COL7A1: variants seen among roughly 807,000 people sequenced by gnomAD.
COL7A1 encodes the protein collagen alpha-1(VII) chain.
COL7A1 carries 296 observed loss-of-function variants against 456.2 expected under a neutral mutation model. That is an observed-to-expected ratio of 0.65 (90% CI 0.59 to 0.71). The LOEUF is 0.71. COL7A1 is among the 30% of genes least tolerant of loss of function. The pLI is 0.00. For missense variants in COL7A1, 3,441 were observed against 4,017.2 expected, an observed-to-expected ratio of 0.86 and a Z score of 3.88; for synonymous variants, 1,464 against 1,525.9, an observed-to-expected ratio of 0.96 and a Z score of 0.95.
In COL7A1 at chr3:48,594,960, G is replaced by A. The variant is rs1402732552; in HGVS notation, c.85+115C>T. ...GTCCCAGAATTAGGAGGAATCCGCG[G>A]GGCGTCGTGGAGTTGGCTGGGTTGT... On this transcript the variant is annotated intron_variant, in intron 2 of 118. Transcript: ENST00000681320. This position sits in a 1 kb window ranked among gnomAD's most constrained non-coding sequence, Gnocchi z 5.5. 7.0e-6 allele frequency: 6 copies of A among 859,180 alleles called. No homozygotes were observed. The highest frequency in any genetic ancestry group is 2.7e-5 in the East Asian group (1 of 37,368). 53.2% of individuals were successfully genotyped at this position (859,180 alleles called of 1,614,324 possible).
chr3:48,566,415 G>A lies in COL7A1; in HGVS notation c.8358+95C>T, dbSNP rs2107630773. 2 of 1,608,050 alleles carry A rather than the reference G, an allele frequency of 1.2e-6. No homozygotes were observed. Among genetic ancestry groups the A allele is most frequent in the Non-Finnish European group, 1.7e-6 (2 of 1,175,484 alleles). On this transcript the variant is annotated intron_variant, in intron 113 of 118. Coordinates refer to ENST00000681320, the MANE Select transcript of COL7A1 (RefSeq NM_000094.4). The surrounding 1 kb of genome is among the most constrained non-coding windows in gnomAD (Gnocchi z 5.9). Reference sequence around the variant, plus strand: ...ACTATGGTGAGACTGCATGGAGCCAGGGCCCAGGGGTCAGGGTGCTGGGTG... The same window carrying A: ...ACTATGGTGAGACTGCATGGAGCCAAGGCCCAGGGGTCAGGGTGCTGGGTG...
Position 48,571,798 on chromosome 3 carries a change from A to G in COL7A1, c.7068+203T>C. 1.5e-6 allele frequency: 1 copy of G among 667,976 alleles called. No individual in the cohort carries two copies. The highest frequency in any genetic ancestry group is 2.6e-6 in the Non-Finnish European group (1 of 378,992). The allele number at this position is 667,976 out of a possible 1,614,324, so 41.4% of individuals were successfully genotyped here. ...AAACAGACCAAGGATGGGCACACAG[A>G]AGCCAAGACAGGGCCCCCAGAGCTC... On this transcript the variant is annotated intron_variant, in intron 92 of 118. Coordinates refer to ENST00000681320, the MANE Select transcript of COL7A1 (RefSeq NM_000094.4). The surrounding 1 kb of genome is among the most constrained non-coding windows in gnomAD (Gnocchi z 4.6).
chr3:48,571,549 C>T lies in COL7A1; in HGVS notation c.7069-271G>A, dbSNP rs2107652082. On this transcript the variant is annotated intron_variant, in intron 92 of 118. Coordinates refer to ENST00000681320, the MANE Select transcript of COL7A1 (RefSeq NM_000094.4). This position sits in a 1 kb window ranked among gnomAD's most constrained non-coding sequence, Gnocchi z 4.6. ...GGAGCCCACACGCGAGTGCAGACATCTGGCTCCACAGACGTGAGTGCGGAC... is the reference window on the plus strand; with the variant it reads ...GGAGCCCACACGCGAGTGCAGACATTTGGCTCCACAGACGTGAGTGCGGAC... 1 of 693,204 alleles carries T rather than the reference C, an allele frequency of 1.4e-6. No homozygotes were observed. Among genetic ancestry groups the T allele is most frequent in the Non-Finnish European group, 2.7e-6 (1 of 370,120 alleles). 42.9% of individuals were successfully genotyped at this position (693,204 alleles called of 1,614,324 possible). A position where few individuals can be genotyped will look rare whatever the true frequency, so the allele number is the denominator to read the frequency against.
rs2044509030 is a variant in COL7A1, at chr3:48,578,812, G to A, written c.5424+107C>T. The A allele has an allele frequency of 1.6e-6, 2 of 1,234,704 alleles. No individual in the cohort carries two copies. Among genetic ancestry groups the A allele is most frequent in the East Asian group, 2.5e-5 (1 of 39,586 alleles). The allele number at this position is 1,234,704 out of a possible 1,614,324, so 76.5% of individuals were successfully genotyped here. A position where few individuals can be genotyped will look rare whatever the true frequency, so the allele number is the denominator to read the frequency against. On this transcript the variant is annotated intron_variant, in intron 63 of 118. Coordinates refer to ENST00000681320, the MANE Select transcript of COL7A1 (RefSeq NM_000094.4). The surrounding 1 kb of genome is among the most constrained non-coding windows in gnomAD (Gnocchi z 4.7). Reference sequence around the variant, plus strand: ...GGACTGAGACCCTCCCAAAGGCAAGGCTGAACCGACCCCCCACCAACTCTC... The same window carrying A: ...GGACTGAGACCCTCCCAAAGGCAAGACTGAACCGACCCCCCACCAACTCTC...
In COL7A1 at chr3:48,591,719, C is replaced by T. The variant is rs1296127404; in HGVS notation, c.1461G>A (p.Leu487=). ...GTEYRLTLYT[L]LEGHEVATPA... ...GGGTGGCCACCTCGTGGCCCTCCAG[C>T]AGAGTGTAGAGTGTGAGGCGGTACT... The change falls in exon 12 of 119, where the codon CTG becomes CTA. Residue 487 remains leucine (L), a synonymous_variant. Coordinates refer to ENST00000681320, the MANE Select transcript of COL7A1 (RefSeq NM_000094.4). This position sits in a 1 kb window ranked among gnomAD's most constrained non-coding sequence, Gnocchi z 7.0. 1 of 1,614,180 alleles carries T rather than the reference C, an allele frequency of 6.2e-7. No individual in the cohort carries two copies. The highest frequency in any genetic ancestry group is 1.1e-5 in the South Asian group (1 of 91,090).
Position 48,591,778 on chromosome 3 carries a change from G to A in COL7A1, c.1402C>T (p.Arg468Cys), listed in dbSNP as rs371154736. The change falls in exon 12 of 119, where the codon CGC becomes TGC. Residue 468 changes from arginine to cysteine, a missense_variant. Physicochemically the swap from Arg to Cys is radical, Grantham distance 180 (BLOSUM62 -3). Around this residue, in one of 3 missense-constraint regions of COL7A1, gnomAD observed 913 missense variants for 1,088.2 expected, o/e 0.84. Transcript: ENST00000681320. This position sits in a 1 kb window ranked among gnomAD's most constrained non-coding sequence, Gnocchi z 7.0. ...QKVVLPSDVT[R>C]YQLDGLQPGT... is the part of the protein sequence containing the mutation. ...GGCTGCAGCCCATCCAACTGGTAGC[G>A]GGTCACATCAGAGGGCAGTACCACC... 47 of 1,614,066 alleles carry A rather than the reference G, an allele frequency of 2.9e-5. No individual in the cohort carries two copies. The highest frequency in any genetic ancestry group is 3.8e-5 in the Non-Finnish European group (45 of 1,180,042).
In COL7A1 at chr3:48,570,617, G is replaced by A. The variant is rs1380898482; in HGVS notation, c.7344+22C>T. The A allele has an allele frequency of 6.2e-7, 1 of 1,609,930 alleles. No individual in the cohort carries two copies. Among genetic ancestry groups the A allele is most frequent in the Non-Finnish European group, 8.5e-7 (1 of 1,178,024 alleles). On this transcript the variant is annotated intron_variant, in intron 96 of 118. Coordinates refer to ENST00000681320, the MANE Select transcript of COL7A1 (RefSeq NM_000094.4). The surrounding 1 kb of genome is among the most constrained non-coding windows in gnomAD (Gnocchi z 5.5). ...GAGGACAGGAAATCAAATACGTGGG[G>A]CTTTAGGGCACCTCTACTCACCACT...
chr3:48,594,388 C>T lies in COL7A1; in HGVS notation c.246G>A (p.Val82=). 1.2e-6 allele frequency: 2 copies of T among 1,611,212 alleles called. No homozygotes were observed. The highest frequency in any genetic ancestry group is 1.7e-6 in the Non-Finnish European group (2 of 1,180,032). ...CTCACCGTGGGTCATCGCTGTACTG[C>T]ACTGTGGCAAAGCGCACACCCTGTG... ...ASAQGVRFAT[V]QYSDDPRTEF... is the part of the protein sequence containing the mutation. The change falls in exon 3 of 119, where the codon GTG becomes GTA. Residue 82 remains valine, a synonymous_variant. Transcript: ENST00000681320. This position sits in a 1 kb window ranked among gnomAD's most constrained non-coding sequence, Gnocchi z 5.5.
rs1476330779 is a variant in COL7A1, at chr3:48,574,910, G to T, written c.6280-45C>A. 6.2e-7 allele frequency: 1 copy of T among 1,600,862 alleles called. No homozygotes were observed. Among genetic ancestry groups the T allele is most frequent in the East Asian group, 2.2e-5 (1 of 44,782 alleles). On this transcript the variant is annotated intron_variant, in intron 76 of 118. Transcript: ENST00000681320. This position sits in a 1 kb window ranked among gnomAD's most constrained non-coding sequence, Gnocchi z 5.0. ...GGGGAGAGATGTCTCTGTCATAGAG[G>T]CATGGGGGAGTCATCACAGATCTCA...
rs2043763993 is a variant in COL7A1, at chr3:48,569,257, C to T, written c.7686+118G>A. On this transcript the variant is annotated intron_variant, in intron 103 of 118. Transcript: ENST00000681320. This position sits in a 1 kb window ranked among gnomAD's most constrained non-coding sequence, Gnocchi z 4.9. ...GCCACTCCATAGTCAGCCACAGAACCCCTTCCCCCTAAACCCCAGAAAGCC... is the reference window on the plus strand; with the variant it reads ...GCCACTCCATAGTCAGCCACAGAACTCCTTCCCCCTAAACCCCAGAAAGCC... 7.9e-7 allele frequency: 1 copy of T among 1,258,768 alleles called. No homozygotes were observed. The highest frequency in any genetic ancestry group is 1.2e-6 in the Non-Finnish European group (1 of 861,720). The allele number at this position is 1,258,768 out of a possible 1,614,324, so 78.0% of individuals were successfully genotyped here.
rs750371011 is a variant in COL7A1, at chr3:48,564,361, C to T, written c.*45G>A. The T allele has an allele frequency of 1.2e-5, 19 of 1,612,728 alleles. No homozygotes were observed. Among genetic ancestry groups the T allele is most frequent in the Non-Finnish European group, 1.6e-5 (19 of 1,179,054 alleles). On this transcript the variant is annotated 3_prime_UTR_variant, in exon 119 of 119. Transcript: ENST00000681320. This position sits in a 1 kb window ranked among gnomAD's most constrained non-coding sequence, Gnocchi z 6.0. Reference sequence around the variant, plus strand: ...GGGACAGTGGGGTTCTGCTGAGACCCCGACTCCTCCAGGGGATGCTGAATC... The same window carrying T: ...GGGACAGTGGGGTTCTGCTGAGACCTCGACTCCTCCAGGGGATGCTGAATC...
Position 48,583,564 on chromosome 3 carries a change from C to A in COL7A1, c.4393G>T (p.Gly1465Cys), listed in dbSNP as rs1437742200. The A allele has an allele frequency of 6.2e-7, 1 of 1,614,064 alleles. No homozygotes were observed. Among genetic ancestry groups the A allele is most frequent in the East Asian group, 2.2e-5 (1 of 44,874 alleles). The change falls in exon 41 of 119, where the codon GGT becomes TGT. Residue 1465 changes from glycine to cysteine, a missense_variant. Physicochemically the swap from Gly to Cys is radical, Grantham distance 159. Transcript: ENST00000681320. The surrounding 1 kb of genome is among the most constrained non-coding windows in gnomAD (Gnocchi z 5.1). ...PGLPGQPGSP[G>C]EQGPRGPPGA... ...CTGGCCCCTCCACTCACCTGCTCAC[C>A]CGGAGACCCAGGTTGTCCTGGGAGG...
chr3:48,570,543 G>A lies in COL7A1; in HGVS notation c.7345-43C>T, dbSNP rs371568501. On this transcript the variant is annotated intron_variant, in intron 96 of 118. Transcript: ENST00000681320. This position sits in a 1 kb window ranked among gnomAD's most constrained non-coding sequence, Gnocchi z 5.5. ...GTGAGGGTCCTGTGGCTCTCAAAGCGCCTCCCCCAACACCCCACAGTGTGG... is the reference window on the plus strand; with the variant it reads ...GTGAGGGTCCTGTGGCTCTCAAAGCACCTCCCCCAACACCCCACAGTGTGG... The A allele has an allele frequency of 3.6e-5, 58 of 1,613,800 alleles. 1 individual carries two copies. Among genetic ancestry groups the A allele is most frequent in the East Asian group, 3.1e-4 (14 of 44,874 alleles).
rs2044542579 is a variant in COL7A1, at chr3:48,579,167, G to A, written c.5388+30C>T. 7 of 1,610,752 alleles carry A rather than the reference G, an allele frequency of 4.3e-6. No individual in the cohort carries two copies. Among genetic ancestry groups the A allele is most frequent in the South Asian group, 1.1e-5 (1 of 91,016 alleles). The stretch of plus-strand genomic sequence containing the variant: ...CCTCATGTGAAGGGGTAGGGGAAGG[G>A]GACAACCAGGCAGGACTACCAAGAC... On this transcript the variant is annotated intron_variant, in intron 62 of 118. Coordinates refer to ENST00000681320, the MANE Select transcript of COL7A1 (RefSeq NM_000094.4). This position sits in a 1 kb window ranked among gnomAD's most constrained non-coding sequence, Gnocchi z 4.4.
rs748788667 is a variant in COL7A1 at position 48,581,681 on chromosome 3, C to A, written c.4722+25G>T. ...CAGGAAGACAACCTTCACCAACTGC[C>A]CCCTAAACACTTCGCTTCACTTACC... On this transcript the variant is annotated intron_variant, in intron 49 of 118. Transcript: ENST00000681320. This position sits in a 1 kb window ranked among gnomAD's most constrained non-coding sequence, Gnocchi z 5.8. 12 of 1,614,138 alleles carry A rather than the reference C, an allele frequency of 7.4e-6. No homozygotes were observed. The highest frequency in any genetic ancestry group is 9.3e-6 in the Non-Finnish European group (11 of 1,180,032).
rs374921696 is a variant in COL7A1 at position 48,586,212 on chromosome 3, C to T, written c.3585G>A (p.Ala1195=). Reference sequence around the variant, plus strand: ...CCAAGCGACGCAGCTGCTCTGGGTCCGCTCCAGCCATTCCCAACATCACCA... The same window carrying T: ...CCAAGCGACGCAGCTGCTCTGGGTCTGCTCCAGCCATTCCCAACATCACCA... ...LNVVMLGMAG[A]DPEQLRRLAP... is the part of the protein sequence containing the mutation. The change falls in exon 28 of 119, where the codon GCG becomes GCA. Residue 1195 remains alanine, a synonymous_variant. Coordinates refer to ENST00000681320, the MANE Select transcript of COL7A1 (RefSeq NM_000094.4). The surrounding 1 kb of genome is among the most constrained non-coding windows in gnomAD (Gnocchi z 5.1). 19 of 1,613,374 alleles carry T rather than the reference C, an allele frequency of 1.2e-5. No individual in the cohort carries two copies. Among genetic ancestry groups the T allele is most frequent in the African/African-American group, 6.7e-5 (5 of 74,928 alleles).
At position 48,571,754 on chromosome 3, in the gene COL7A1, T is replaced by C; in HGVS notation, c.7068+247A>G. ...CTGGGAGATCAGACCAGAGCACACG[T>C]GTGCCCAGATGTGGTGAGAAACAGA... On this transcript the variant is annotated intron_variant, in intron 92 of 118. Transcript: ENST00000681320. This position sits in a 1 kb window ranked among gnomAD's most constrained non-coding sequence, Gnocchi z 4.6. 1 of 630,706 alleles carries C rather than the reference T, an allele frequency of 1.6e-6. No individual in the cohort carries two copies. The highest frequency in any genetic ancestry group is 2.9e-6 in the Non-Finnish European group (1 of 346,742). The allele number at this position is 630,706 out of a possible 1,614,324, so 39.1% of individuals were successfully genotyped here. A position where few individuals can be genotyped will look rare whatever the true frequency, so the allele number is the denominator to read the frequency against.
In COL7A1 at chr3:48,588,288, G is replaced by A. The variant is rs911220974; in HGVS notation, c.2704C>T (p.Pro902Ser). Residue 902 changes from proline to serine, a missense_variant, in exon 21 of 119, where the codon CCT becomes TCT. Coordinates refer to ENST00000681320, the MANE Select transcript of COL7A1 (RefSeq NM_000094.4). This position sits in a 1 kb window ranked among gnomAD's most constrained non-coding sequence, Gnocchi z 4.6. Reference protein sequence around the residue: ...RAQGFLLHWQPEGGQEQSRVL... With the variant: ...RAQGFLLHWQSEGGQEQSRVL... ...TCCTGGGGACACCTCTCACCCTCAG[G>A]TTGCCAGTGCAGAAGGAAGCCCTGC... 3.1e-6 allele frequency: 5 copies of A among 1,612,808 alleles called. No individual in the cohort carries two copies. The highest frequency in any genetic ancestry group is 3.3e-5 in the Admixed American group (2 of 60,006).
At position 48,594,431 on chromosome 3, in the gene COL7A1, A is replaced by T. The variant is rs2045927931; in HGVS notation, c.203T>A (p.Phe68Tyr). The T allele has an allele frequency of 6.2e-7, 1 of 1,612,072 alleles. No individual in the cohort carries two copies. ...ACCCTGTGCACTGGCTGCTCCAGAG[A>T]AAGGCAGCACCAGCCCTTCGAGAAA... is the stretch of plus-strand genomic sequence containing the variant. ...RSFLEGLVLP[F>Y]SGAASAQGVR... The change falls in exon 3 of 119, where the codon TTC becomes TAC. Residue 68 changes from phenylalanine to tyrosine, a missense_variant. Phe to Tyr is a conservative substitution (Grantham distance 22). Coordinates refer to ENST00000681320, the MANE Select transcript of COL7A1 (RefSeq NM_000094.4). The surrounding 1 kb of genome is among the most constrained non-coding windows in gnomAD (Gnocchi z 5.5).
Sources: gnomAD v4.1 joint callset for allele counts on GRCh38, gnomAD v4.1.1 for gene constraint, gnomAD v4.1.1 regional missense constraint, Gnocchi (gnomAD v3.1) non-coding constraint, MANE v1.5 for transcripts, NCBI Gene and HGNC (gene_info 2026-07-23, HGNC 2026-07-21) for gene names.